Variants in NR3C2 observed in about 807,000 individuals in gnomAD.
The protein encoded by NR3C2 is mineralocorticoid receptor.
A neutral mutation model predicts 86.4 loss-of-function variants in NR3C2; 15 were observed. The observed-to-expected ratio is 0.17, with a 90% confidence interval of 0.12 to 0.27. The LOEUF (loss-of-function observed/expected upper bound fraction) is 0.27, where lower values mean the gene tolerates loss of function less well. Among genes scored for constraint, NR3C2 ranks in the 10% least tolerant of loss-of-function variants. NR3C2 has a pLI of 1.00. For synonymous variants in NR3C2, 458 were observed against 450.5 expected (o/e 1.02, Z -0.21); for missense variants, 960 against 1,195.6 (o/e 0.80, Z 2.91).
At chr4:148,223,555 T>A (rs12511893) in intron 3 of NR3C2, among the ~76,000 whole-genome samples, 16,081 of 152,118 alleles carry the variant, frequency 0.11, 1,178 homozygotes, top group Non-Finnish European at 0.16. Flanking sequence ...TAAGCTTTTA[T>A]TAAAGGAAGA....
At chr4:148,178,811 G>C (rs1735508725) in intron 4 of NR3C2, among the ~76,000 whole-genome samples, 1 of 151,186 alleles carries the variant, frequency 6.6e-6, no homozygotes, top group South Asian at 2.1e-4. Flanking sequence ...AGGTGTCAAT[G>C]ACACTGAGAG....
At chr4:148,247,918 TG>T (rs1435384352) in intron 3 of NR3C2, among the ~76,000 whole-genome samples, 10 of 152,192 alleles carry the variant, frequency 6.6e-5, no homozygotes, top group African/African-American at 2.4e-4. Context: ...CCTCAGTCAC[TG>T]CTATAGCTCT....
At chr4:148,266,301 G>C (rs955781311) in intron 2 of NR3C2, among the ~76,000 whole-genome samples, 1 of 152,132 alleles carries the variant, frequency 6.6e-6, no homozygotes, top group Non-Finnish European at 1.5e-5. Flanking sequence ...TCGATATCTT[G>C]ACCTTGTAAT....
chr4:148,259,086 A>C (rs1314395779), intron 3 of NR3C2, among the ~76,000 whole-genome samples: 2 of 152,222 alleles, frequency 1.3e-5, no homozygotes, highest in Non-Finnish European at 2.9e-5. Flanking sequence ...GGCAAAACAC[A>C]GGGAAAACAT....
rs1313773823 is a variant in NR3C2 at position 148,081,366 on chromosome 4, G to A, written c.2933C>T (p.Pro978Leu). 6.2e-7 allele frequency: 1 copy of A among 1,614,156 alleles called. No homozygotes were observed. The highest frequency in any genetic ancestry group is 8.5e-7 in the Non-Finnish European group (1 of 1,180,030). Residue 978 changes from proline to leucine, a missense_variant, in exon 9 of 9, where the codon CCG becomes CTG. Transcript: ENST00000358102. The part of the protein sequence containing the change: ...LPKVESGNAK[P>L]LYFHRK Reference sequence around the variant, plus strand: ...CAGTCACTTCCGGTGGAAGTAGAGCGGCTTGGCGTTCCCCGACTCCACCTT... The same window carrying A: ...CAGTCACTTCCGGTGGAAGTAGAGCAGCTTGGCGTTCCCCGACTCCACCTT...
At chr4:148,299,680 C>A (rs1047620954) in intron 2 of NR3C2, among the ~76,000 whole-genome samples, 16 of 152,226 alleles carry the variant, frequency 1.1e-4, no homozygotes, top group African/African-American at 3.9e-4. Context: ...AGTTCATCTC[C>A]CTGTTGGAGA....
At chr4:148,367,761 A>C (rs1379741822) in intron 2 of NR3C2, among the ~76,000 whole-genome samples, 1 of 152,092 alleles carries the variant, frequency 6.6e-6, no homozygotes, top group East Asian at 1.9e-4. Context: ...TGAAGGGGGA[A>C]CTAGAACAGT....
At chr4:148,167,540 C>A (rs531439153) in intron 4 of NR3C2, among the ~76,000 whole-genome samples, 1 of 152,272 alleles carries the variant, frequency 6.6e-6, no homozygotes, top group African/African-American at 2.4e-5. Context: ...GATCATAAGG[C>A]CATGCCCAAC....
intron 2 of NR3C2, among the ~76,000 whole-genome samples, chr4:148,411,923 A>T (rs1748727067): frequency 1.3e-5 from 2 of 152,206 alleles, no homozygotes; most frequent in South Asian, 4.1e-4. Context: ...AAGAAAATCC[A>T]CTTATAAAAC....
At chr4:148,111,377 G>C (rs746442942) in intron 8 of NR3C2, among the ~76,000 whole-genome samples, 25 of 152,164 alleles carry the variant, frequency 1.6e-4, no homozygotes, top group Non-Finnish European at 2.9e-4. Flanking sequence ...CTTCTTGTGG[G>C]AACAGTAAAT....
intron 2 of NR3C2, among the ~76,000 whole-genome samples, chr4:148,398,173 A>T (rs1315844777): frequency 6.6e-6 from 1 of 152,200 alleles, no homozygotes; most frequent in Non-Finnish European, 1.5e-5. Flanking sequence ...CCTTAATTTA[A>T]TTACATGTGC....
Position 148,080,718 on chromosome 4 carries a change from T to A in NR3C2, c.*626A>T, listed in dbSNP as rs2149701004. The A allele has an allele frequency of 3.2e-6, 1 of 314,596 alleles. No individual in the cohort carries two copies. The highest frequency in any genetic ancestry group is 6.7e-6 in the Non-Finnish European group (1 of 149,478). The allele number at this position is 314,596 out of a possible 1,614,324, so 19.5% of individuals were successfully genotyped here. ...AGAAATCAAACCAAGGCATTTAACA[T>A]CATCTTATCCATTCTAATTAAATAA... On this transcript the variant is annotated 3_prime_UTR_variant, in exon 9 of 9. Coordinates refer to ENST00000358102, the MANE Select transcript of NR3C2 (RefSeq NM_000901.5).
At chr4:148,132,744 G>A (rs551628254) in intron 6 of NR3C2, among the ~76,000 whole-genome samples, 5 of 152,276 alleles carry the variant, frequency 3.3e-5, no homozygotes, top group Non-Finnish European at 5.9e-5. Flanking sequence ...AGCATTCTAG[G>A]ATTTGAATCC....
At chr4:148,317,897 T>A (rs1743291733) in intron 2 of NR3C2, among the ~76,000 whole-genome samples, 1 of 152,022 alleles carries the variant, frequency 6.6e-6, no homozygotes, top group Non-Finnish European at 1.5e-5. Flanking sequence ...TATTATACTT[T>A]AAGTTTTAGG....
rs1320956856 is a variant in NR3C2, at chr4:148,080,114, G to A, written c.*1230C>T. Reference sequence around the variant, plus strand: ...ACGAGGCAGCTTTCCCAAAGCTGCAGCACTCCAAGGACCTCCTCTCCCACA... The same window carrying A: ...ACGAGGCAGCTTTCCCAAAGCTGCAACACTCCAAGGACCTCCTCTCCCACA... On this transcript the variant is annotated 3_prime_UTR_variant, in exon 9 of 9. Coordinates refer to ENST00000358102, the MANE Select transcript of NR3C2 (RefSeq NM_000901.5). 1 of 152,228 alleles carries A rather than the reference G, an allele frequency of 6.6e-6. No individual in the cohort carries two copies. Among genetic ancestry groups the A allele is most frequent in the Non-Finnish European group, 1.5e-5 (1 of 68,054 alleles). 9.4% of individuals were successfully genotyped at this position (152,228 alleles called of 1,614,324 possible). A position where few individuals can be genotyped will look rare whatever the true frequency, so the allele number is the denominator to read the frequency against.
intron 2 of NR3C2, among the ~76,000 whole-genome samples, chr4:148,316,412 T>C (rs1226755024): frequency 6.6e-6 from 1 of 152,208 alleles, no homozygotes; most frequent in African/African-American, 2.4e-5. Flanking sequence ...TTTAGATTAT[T>C]TACTTTCCGA....
At chr4:148,162,491 C>A (rs1429164326) in intron 4 of NR3C2, among the ~76,000 whole-genome samples, 15 of 152,064 alleles carry the variant, frequency 9.9e-5, no homozygotes, top group Admixed American at 9.2e-4. Context: ...CGAGGTCTGG[C>A]CAGGCTGGGG....
At chr4:148,429,592 C>T (rs1256759027) in intron 2 of NR3C2, among the ~76,000 whole-genome samples, 1 of 152,152 alleles carries the variant, frequency 6.6e-6, no homozygotes, top group Non-Finnish European at 1.5e-5. Flanking sequence ...TTAACAAGTG[C>T]TTATATGTAA....
chr4:148,281,767 A>T (rs1741256959), intron 2 of NR3C2, among the ~76,000 whole-genome samples: 1 of 152,244 alleles, frequency 6.6e-6, no homozygotes, highest in South Asian at 2.1e-4. Context: ...CTTGCTGTGC[A>T]GGGCATCATG....
Sources: gnomAD v4.1 joint callset for allele counts (sites outside exome capture counted in the v4.1 genomes callset) on GRCh38, gnomAD v4.1.1 for gene constraint, MANE v1.5 for transcripts, NCBI Gene and HGNC (gene_info 2026-07-23, HGNC 2026-07-21) for gene names.